Variants in ARHGAP5 observed in about 807,000 individuals in gnomAD.
ARHGAP5 encodes rho GTPase-activating protein 5.
In ARHGAP5, 23 loss-of-function variants were observed where a neutral mutation model predicts 116.6. The ratio of observed to expected loss-of-function variants is 0.20; its 90% CI spans 0.14 to 0.28. ARHGAP5 has a LOEUF of 0.28. Ranked by LOEUF, ARHGAP5 falls within the 10% of genes least tolerant of loss-of-function variation. The pLI is 1.00. For missense variants in ARHGAP5, 1,405 were observed against 1,774.8 expected, an observed-to-expected ratio of 0.79 and a Z score of 3.74; for synonymous variants, 574 against 602.0, an observed-to-expected ratio of 0.95 and a Z score of 0.68.
In ARHGAP5 at chr14:32,092,589, A is replaced by C. The variant is rs1419303810; in HGVS notation, c.1920A>C (p.Lys640Asn). 1.2e-6 allele frequency: 2 copies of C among 1,613,600 alleles called. No homozygotes were observed. The highest frequency in any genetic ancestry group is 1.7e-6 in the Non-Finnish European group (2 of 1,179,846). ...TTGATCTTCGGCCGGTTGATGCCAAATCGCCTTACTTTTTGAGTCAGTTAT... is the reference window on the plus strand; with the variant it reads ...TTGATCTTCGGCCGGTTGATGCCAACTCGCCTTACTTTTTGAGTCAGTTAT... The part of the protein sequence containing the change: ...YELDLRPVDA[K>N]SPYFLSQLWT... Residue 640 changes from lysine (K) to asparagine (N), a missense_variant, in exon 2 of 7, where the codon AAA (lysine) becomes AAC (asparagine). Physicochemically the swap from Lys to Asn is moderately conservative, Grantham distance 94. Transcript: ENST00000345122. This position sits in a 1 kb window ranked among gnomAD's most constrained non-coding sequence, Gnocchi z 4.1.
intron 4 of ARHGAP5, among the ~76,000 whole-genome samples, chr14:32,146,868 T>C (rs1160186803): frequency 6.6e-6 from 1 of 152,174 alleles, no homozygotes; most frequent in Non-Finnish European, 1.5e-5. Flanking sequence ...CAAGAAACTA[T>C]CTCTTACACT....
chr14:32,092,450 A>G lies in ARHGAP5; in HGVS notation c.1781A>G (p.Asp594Gly), dbSNP rs761260244. ...LRLYHDSTNI[D>G]KVNLFILGKD... ...TTATATCACGATAGTACCAATATAGATAAAGTTAACCTTTTTATTTTAGGG... is the reference window on the plus strand; with the variant it reads ...TTATATCACGATAGTACCAATATAGGTAAAGTTAACCTTTTTATTTTAGGG... Residue 594 changes from aspartate to glycine, a missense_variant, in exon 2 of 7, where the codon GAT (aspartate) becomes GGT (glycine). By Grantham distance (94) the Asp-to-Gly change is moderately conservative. Coordinates refer to ENST00000345122, the MANE Select transcript of ARHGAP5 (RefSeq NM_001030055.2). The surrounding 1 kb of genome is among the most constrained non-coding windows in gnomAD (Gnocchi z 4.1). The G allele has an allele frequency of 2.5e-6, 4 of 1,613,990 alleles. No individual in the cohort carries two copies. In the South Asian group the frequency reaches 4.4e-5, roughly 18 times the overall value.
At chr14:32,125,349 C>T (rs927916049) in intron 3 of ARHGAP5, among the ~76,000 whole-genome samples, 3 of 152,168 alleles carry the variant, frequency 2.0e-5, no homozygotes, top group Non-Finnish European at 2.9e-5. Context: ...TATATACATA[C>T]ATACATGCAC....
rs1566690629 is a variant in ARHGAP5 at position 32,159,004 on chromosome 14, G to T, written c.*4056G>T. ...CCACTATATGAGTTTTCTTTGTCAGGGGGAGAGGAGTGGGAAGAGTCACAG... is the reference window on the plus strand; with the variant it reads ...CCACTATATGAGTTTTCTTTGTCAGTGGGAGAGGAGTGGGAAGAGTCACAG... On this transcript the variant is annotated 3_prime_UTR_variant, in exon 7 of 7. Coordinates refer to ENST00000345122, the MANE Select transcript of ARHGAP5 (RefSeq NM_001030055.2). The T allele has an allele frequency of 1.3e-5, 2 of 151,636 alleles. No individual in the cohort carries two copies. The highest frequency in any genetic ancestry group is 2.9e-5 in the Non-Finnish European group (2 of 67,894). 9.4% of individuals were successfully genotyped at this position (151,636 alleles called of 1,614,324 possible).
chr14:32,093,978 C>G lies in ARHGAP5; in HGVS notation c.3309C>G (p.Gly1103=), dbSNP rs772776467. ...EPIDTIFKQK[G]YSDEIYVVPD... ...TTGATACAATTTTCAAACAGAAGGGCTATTCTGATGAGATTTATGTTGTCC... is the reference window on the plus strand; with the variant it reads ...TTGATACAATTTTCAAACAGAAGGGGTATTCTGATGAGATTTATGTTGTCC... Residue 1103 remains glycine (G), a synonymous_variant, in exon 2 of 7, where the codon GGC becomes GGG. Transcript: ENST00000345122. The G allele has an allele frequency of 1.9e-6, 3 of 1,613,654 alleles. No individual in the cohort carries two copies. The highest frequency in any genetic ancestry group is 2.2e-5 in the South Asian group (2 of 90,954).
chr14:32,143,246 T>C (rs1378898959), intron 3 of ARHGAP5, among the ~76,000 whole-genome samples: 1 of 151,544 alleles, frequency 6.6e-6, no homozygotes, highest in Non-Finnish European at 1.5e-5. Flanking sequence ...GTTGTTATTA[T>C]TATTATTATT....
Position 32,091,591 on chromosome 14 carries a change from A to G in ARHGAP5, c.922A>G (p.Asn308Asp), listed in dbSNP as rs968374636. Reference protein sequence around the residue: ...KNHPDYEEYINLEGTRKARNT... With the variant: ...KNHPDYEEYIDLEGTRKARNT... The stretch of plus-strand genomic sequence containing the variant: ...TCATCCTGATTATGAAGAATACATC[A>G]ACTTAGAGGGAACAAGAAAGGCCAG... The change falls in exon 2 of 7, where the codon AAC becomes GAC. Residue 308 changes from asparagine to aspartate, a missense_variant. By Grantham distance (23) the Asn-to-Asp change is conservative. Transcript: ENST00000345122. The G allele has an allele frequency of 1.9e-6, 3 of 1,612,320 alleles. No individual in the cohort carries two copies. In the African/African-American group the frequency reaches 4.0e-5, roughly 22 times the overall value.
intron 2 of ARHGAP5, among the ~76,000 whole-genome samples, chr14:32,095,290 T>C (rs898573390): frequency 6.6e-6 from 1 of 152,200 alleles, no homozygotes; most frequent in East Asian, 1.9e-4. Context: ...TTCCTAAATA[T>C]AGTAACTGCC....
chr14:32,139,347 T>C (rs1311520546), intron 3 of ARHGAP5, among the ~76,000 whole-genome samples: 3 of 152,158 alleles, frequency 2.0e-5, no homozygotes, highest in Non-Finnish European at 4.4e-5. Flanking sequence ...TATTGGGCTT[T>C]TTTGTTTTTG....
chr14:32,116,754 A>G (rs1879621683), intron 2 of ARHGAP5, among the ~76,000 whole-genome samples: 1 of 152,218 alleles, frequency 6.6e-6, no homozygotes. Context: ...ATAGATAGAC[A>G]CAGAAAACTC....
At chr14:32,105,748 T>C (rs983902861) in intron 2 of ARHGAP5, among the ~76,000 whole-genome samples, 3 of 152,196 alleles carry the variant, frequency 2.0e-5, no homozygotes, top group African/African-American at 7.2e-5. Context: ...TTAACTTGTT[T>C]TGTCTTTTTA....
chr14:32,085,845 A>C lies in ARHGAP5; in HGVS notation c.-168-4657A>C, dbSNP rs1025103027. 3.9e-5 allele frequency among the ~76,000 whole-genome samples: 6 copies of C among 152,330 alleles called. No individual in the cohort carries two copies. The East Asian group carries it at 1.2e-3, about 29-fold the overall frequency. ...TTGTACTCAACTTCACTTTTGAAAA[A>C]AAATTTTTTTAAGATGTCATAAAAT... On this transcript the variant is annotated intron_variant, in intron 1 of 6. Coordinates refer to ENST00000345122, the MANE Select transcript of ARHGAP5 (RefSeq NM_001030055.2).
chr14:32,159,343 T>C lies in ARHGAP5; in HGVS notation c.*4395T>C, dbSNP rs1421162000. On this transcript the variant is annotated 3_prime_UTR_variant, in exon 7 of 7. Coordinates refer to ENST00000345122, the MANE Select transcript of ARHGAP5 (RefSeq NM_001030055.2). ...CAGTTTTGTCTCAAATAGTAAGTTA[T>C]TGTGAACAATTTAATAACGGCCCTC... is the stretch of plus-strand genomic sequence containing the variant. 6.6e-6 allele frequency: 1 copy of C among 152,182 alleles called. No homozygotes were observed. Among genetic ancestry groups the C allele is most frequent in the Non-Finnish European group, 1.5e-5 (1 of 67,996 alleles). The allele number at this position is 152,182 out of a possible 1,614,324, so 9.4% of individuals were successfully genotyped here.
intron 1 of ARHGAP5, among the ~76,000 whole-genome samples, chr14:32,078,023 G>A (rs564641623): frequency 4.6e-4 from 70 of 152,170 alleles, no homozygotes; most frequent in Non-Finnish European, 7.6e-4. Flanking sequence ...AGTAAGATAT[G>A]AGAAGTTGCA....
chr14:32,137,541 A>C (rs527707330), intron 3 of ARHGAP5, among the ~76,000 whole-genome samples: 1 of 152,210 alleles, frequency 6.6e-6, no homozygotes, highest in African/African-American at 2.4e-5. Flanking sequence ...AGATTCCTTT[A>C]GCTACAGAGT....
At chr14:32,117,533 C>T (rs368136978) in intron 3 of ARHGAP5, among the ~76,000 whole-genome samples, 1 of 152,064 alleles carries the variant, frequency 6.6e-6, no homozygotes, top group African/African-American at 2.4e-5. Context: ...GTTAAACTTA[C>T]CTTATTCTGG....
At chr14:32,135,817 C>CA (rs1203937752) in intron 3 of ARHGAP5, among the ~76,000 whole-genome samples, 2 of 152,142 alleles carry the variant, frequency 1.3e-5, no homozygotes, top group Non-Finnish European at 2.9e-5. Flanking sequence ...CTGATGAGTC[C>CA]AGTATAGTGA....
chr14:32,095,654 C>T (rs930536458), intron 2 of ARHGAP5, among the ~76,000 whole-genome samples: 3 of 151,884 alleles, frequency 2.0e-5, no homozygotes, highest in African/African-American at 4.8e-5. Context: ...TCAGATGATC[C>T]GAGGCCTGCC....
In ARHGAP5 at chr14:32,112,471, C is replaced by G. The variant is rs545636581; in HGVS notation, c.3718-4669C>G. On this transcript the variant is annotated intron_variant, in intron 2 of 6. Transcript: ENST00000345122. ...ATTGCTGAATGGAATGTTTGTTTTA[C>G]TGTGATGTGCTTTTGCAGATAAGAA... 2.0e-5 allele frequency among the ~76,000 whole-genome samples: 3 copies of G among 152,252 alleles called. No homozygotes were observed. The East Asian group carries it at 5.8e-4, about 29-fold the overall frequency.
Sources: allele counts gnomAD v4.1 joint callset (sites outside exome capture counted in the v4.1 genomes callset), GRCh38; gene constraint gnomAD v4.1.1; non-coding constraint Gnocchi (gnomAD v3.1); transcripts MANE v1.5; gene names NCBI Gene and HGNC (gene_info 2026-07-23, HGNC 2026-07-21).